The following ALG14 variants were observed in gnomAD, a reference collection of about 807,000 sequenced individuals.
ALG14 encodes the protein ALG14 UDP-N-acetylglucosaminyltransferase subunit.
A neutral mutation model predicts 22.8 loss-of-function variants in ALG14; 17 were observed. The observed-to-expected ratio is 0.75, with a 90% CI of 0.51 to 1.12. The LOEUF (loss-of-function observed/expected upper bound fraction) is 1.12. Among genes scored for constraint, ALG14 ranks in the 50% most tolerant of loss-of-function variants. The pLI is 0.00. For missense variants in ALG14, 288 were observed against 271.8 expected, an observed-to-expected ratio of 1.06 and a Z score of -0.42; for synonymous variants, 89 against 103.7, an observed-to-expected ratio of 0.86 and a Z score of 0.86.
chr1:95,043,331 T>C (rs907929423), intron 2 of ALG14, among the ~76,000 whole-genome samples: 1 of 152,122 alleles, frequency 6.6e-6, no homozygotes, highest in African/African-American at 2.4e-5. Context: ...TGGGTTGCCA[T>C]AACTGGTGGT....
At chr1:95,049,385 T>A (rs751278540) in intron 2 of ALG14, among the ~76,000 whole-genome samples, 100 of 151,810 alleles carry the variant, frequency 6.6e-4, no homozygotes, top group Non-Finnish European at 1.0e-3. Flanking sequence ...ATACAAGAAA[T>A]TAGCCTGGTG....
intron 1 of ALG14, among the ~76,000 whole-genome samples, chr1:95,066,020 C>T (rs1675348706): frequency 6.6e-6 from 1 of 152,144 alleles, no homozygotes; most frequent in African/African-American, 2.4e-5. Context: ...AAGCTCTCTG[C>T]CTCAGTCAGG....
At chr1:95,060,949 C>A (rs1395282582) in intron 2 of ALG14, among the ~76,000 whole-genome samples, 1 of 152,016 alleles carries the variant, frequency 6.6e-6, no homozygotes, top group African/African-American at 2.4e-5. Flanking sequence ...TTAGAGTGGG[C>A]CCTAAATCCA....
Position 95,072,775 on chromosome 1 carries a change from C to G in ALG14, c.124G>C (p.Val42Leu), listed in dbSNP as rs1355363285. The G allele has an allele frequency of 3.1e-6, 5 of 1,614,154 alleles. No homozygotes were observed. The highest frequency in any genetic ancestry group is 4.2e-6 in the Non-Finnish European group (5 of 1,180,026). ...CCTCGATACTTACCGGACCCAGCCA[C>G]TACCAAGATACTGAGAGACTCCCGG... ...TPRESLSILV[V>L]AGSGGHTTEI... is the part of the protein sequence containing the mutation. The change falls in exon 1 of 4, where the codon GTG (valine) becomes CTG (leucine). Residue 42 changes from valine (V) to leucine (L), a missense_variant. By Grantham distance (32) the Val-to-Leu change is conservative. Transcript: ENST00000370205.
At chr1:95,002,121 G>A (rs1202254696) in intron 3 of ALG14, among the ~76,000 whole-genome samples, 1 of 152,160 alleles carries the variant, frequency 6.6e-6, no homozygotes, top group Admixed American at 6.5e-5. Flanking sequence ...TAAAGACAGA[G>A]GTATGCCTAA....
At chr1:95,025,795 T>C (rs530214914) in intron 3 of ALG14, among the ~76,000 whole-genome samples, 2 of 152,338 alleles carry the variant, frequency 1.3e-5, no homozygotes, top group East Asian at 3.9e-4. Flanking sequence ...TTAAAGAGAA[T>C]TAGGACCTTG....
chr1:95,046,295 G>T (rs974234785), intron 2 of ALG14, among the ~76,000 whole-genome samples: 2 of 152,208 alleles, frequency 1.3e-5, no homozygotes, highest in African/African-American at 4.8e-5. Flanking sequence ...ACGGCAGCAG[G>T]TGAGTGGCAG....
intron 2 of ALG14, among the ~76,000 whole-genome samples, chr1:95,038,019 A>G (rs976025877): frequency 3.9e-5 from 6 of 152,220 alleles, no homozygotes; most frequent in African/African-American, 1.4e-4. Flanking sequence ...TGAGACAATT[A>G]TTAAATATAA....
chr1:95,022,360 C>A, intron 3 of ALG14: 5 of 985,432 alleles, frequency 5.1e-6, no homozygotes, highest in Non-Finnish European at 6.0e-6. Flanking sequence ...GGTAATTTCA[C>A]CATGCAACTG....
chr1:95,065,073 T>TG, intron 1 of ALG14, 56 bp from the exon 2 acceptor site: 1 of 1,518,054 alleles, frequency 6.6e-7, no homozygotes, highest in Non-Finnish European at 8.9e-7. Context: ...ACATATCCAT[T>TG]TGACCATGTT....
At chr1:95,039,258 C>T (rs542957156) in intron 2 of ALG14, among the ~76,000 whole-genome samples, 4 of 151,950 alleles carry the variant, frequency 2.6e-5, no homozygotes, top group African/African-American at 7.2e-5. Flanking sequence ...GGAGTTGGAG[C>T]GGAATAATGG....
chr1:95,040,719 A>G (rs74101991), intron 2 of ALG14, among the ~76,000 whole-genome samples: 7,098 of 152,242 alleles, frequency 0.047, 223 homozygotes, highest in South Asian at 0.083. Context: ...TGTGCTATTT[A>G]TGTTTTTAAA....
At chr1:95,060,127 CAA>C (rs1491447333) in intron 2 of ALG14, among the ~76,000 whole-genome samples, 22 of 80,584 alleles carry the variant, frequency 2.7e-4, no homozygotes, top group African/African-American at 6.5e-4. Context: ...CATACACACA[CAA>C]ACACACACAC....
At chr1:95,065,670 G>A (rs1038597784) in intron 1 of ALG14, among the ~76,000 whole-genome samples, 27 of 152,186 alleles carry the variant, frequency 1.8e-4, no homozygotes, top group Admixed American at 9.2e-4. Flanking sequence ...AAGGGGGCAT[G>A]AGCGCTGATC....
intron 2 of ALG14, chr1:95,035,686 T>C (rs973611521): frequency 2.0e-5 from 3 of 152,222 alleles, no homozygotes; most frequent in Admixed American, 6.5e-5. Flanking sequence ...CACAAACATA[T>C]CTGGCTTTAG....
At chr1:95,005,811 T>C (rs950228270) in intron 3 of ALG14, among the ~76,000 whole-genome samples, 3 of 152,194 alleles carry the variant, frequency 2.0e-5, no homozygotes, top group African/African-American at 4.8e-5. Context: ...GTTGCACTTA[T>C]TGGACAGGTG....
Position 95,072,899 on chromosome 1 carries a change from G to A in ALG14, c.-1C>T, listed in dbSNP as rs1675622753. 26 of 1,613,886 alleles carry A rather than the reference G, an allele frequency of 1.6e-5. No homozygotes were observed. Among genetic ancestry groups the A allele is most frequent in the Non-Finnish European group, 2.2e-5 (26 of 1,179,958 alleles). On this transcript the variant is annotated 5_prime_UTR_variant, in exon 1 of 4. Transcript: ENST00000370205. ...CAGCTAGAACGAGAACGCACACCAT[G>A]CAGAGAAACGGCGCATGCGTCCAAC...
chr1:95,038,988 TTGGGATTACAGGCG>T (rs1179976196), intron 2 of ALG14, among the ~76,000 whole-genome samples: 1 of 152,174 alleles, frequency 6.6e-6, no homozygotes, highest in Non-Finnish European at 1.5e-5. Flanking sequence ...TCCCAAATTG[TTGGGATTACAGGCG>T]TGAGCCACCA....
intron 3 of ALG14, among the ~76,000 whole-genome samples, chr1:95,021,318 T>C (rs557174168): frequency 1.5e-4 from 23 of 152,264 alleles, no homozygotes; most frequent in African/African-American, 5.5e-4. Flanking sequence ...AGATGAGTAA[T>C]ACACCTCACC....
Sources: allele counts gnomAD v4.1 joint callset (sites outside exome capture counted in the v4.1 genomes callset), GRCh38; gene constraint gnomAD v4.1.1; transcripts MANE v1.5; gene names NCBI Gene and HGNC (gene_info 2026-07-23, HGNC 2026-07-21).